Variants in SGCD observed in about 807,000 individuals in gnomAD.
SGCD encodes delta-sarcoglycan.
SGCD carries 18 observed loss-of-function variants against 36.6 expected under a neutral mutation model. The ratio of observed to expected loss-of-function variants is 0.49; its 90% CI spans 0.34 to 0.73. SGCD has a LOEUF of 0.73. Ranked by LOEUF, SGCD falls within the 30% of genes least tolerant of loss-of-function variation. The pLI is 0.01. For missense variants in SGCD, 387 were observed against 346.7 expected, an observed-to-expected ratio of 1.12 and a Z score of -0.92; for synonymous variants, 133 against 130.6, an observed-to-expected ratio of 1.02 and a Z score of -0.12.
chr5:155,876,489 A>G (rs1346092482), intron 1 of SGCD, among the ~76,000 whole-genome samples: 1 of 152,072 alleles, frequency 6.6e-6, no homozygotes, highest in Non-Finnish European at 1.5e-5. Context: ...AGTGCCTCAA[A>G]TCAACACTTT....
At chr5:156,394,958 G>T (rs1296052990) in intron 3 of SGCD, among the ~76,000 whole-genome samples, 1 of 152,174 alleles carries the variant, frequency 6.6e-6, no homozygotes, top group Non-Finnish European at 1.5e-5. Flanking sequence ...TACTTCCTTT[G>T]CTATTGGCTT....
intron 3 of SGCD, among the ~76,000 whole-genome samples, chr5:156,215,933 A>C (rs570041414): frequency 6.6e-6 from 1 of 152,238 alleles, no homozygotes; most frequent in African/African-American, 2.4e-5. Flanking sequence ...GAAATCAAAC[A>C]AAGTTCTATC....
chr5:156,272,015 T>A (rs1766193949), intron 3 of SGCD, among the ~76,000 whole-genome samples: 1 of 152,194 alleles, frequency 6.6e-6, no homozygotes, highest in African/African-American at 2.4e-5. Flanking sequence ...TTTTTATAAT[T>A]TTTATTTTTA....
chr5:156,637,713 T>A (rs867460188), intron 6 of SGCD, among the ~76,000 whole-genome samples: 20 of 152,218 alleles, frequency 1.3e-4, no homozygotes, highest in African/African-American at 3.9e-4. Flanking sequence ...AAATGGTTGT[T>A]GACAAGGAAA....
At chr5:155,933,231 C>A (rs925484450) in intron 1 of SGCD, among the ~76,000 whole-genome samples, 7 of 152,162 alleles carry the variant, frequency 4.6e-5, no homozygotes, top group African/African-American at 7.2e-5. Context: ...GGATGATAAT[C>A]CTTACATTCT....
chr5:156,331,960 G>C (rs774245448), intron 2 of SGCD, among the ~76,000 whole-genome samples: 1 of 152,028 alleles, frequency 6.6e-6, no homozygotes, highest in African/African-American at 2.4e-5. Flanking sequence ...TAGCCCTTTC[G>C]CTCTTTCTTT....
At chr5:156,151,041 A>C (rs1438033218) in intron 3 of SGCD, among the ~76,000 whole-genome samples, 2 of 151,786 alleles carry the variant, frequency 1.3e-5, no homozygotes, top group African/African-American at 2.4e-5. Flanking sequence ...AATTTAGATT[A>C]AGAATAGAGA....
intron 3 of SGCD, among the ~76,000 whole-genome samples, chr5:156,305,670 C>T (rs1434416710): frequency 6.6e-6 from 1 of 152,136 alleles, no homozygotes; most frequent in Non-Finnish European, 1.5e-5. Context: ...ATGGTAGATC[C>T]ACCAACAGCT....
chr5:155,751,579 G>A, the SGCD span, among the ~76,000 whole-genome samples: 1 of 151,928 alleles, frequency 6.6e-6, no homozygotes, highest in Non-Finnish European at 1.5e-5. Flanking sequence ...GGTAGAGATG[G>A]GGCTTTGCCA....
chr5:156,595,359 C>T (rs2113390931), intron 6 of SGCD, among the ~76,000 whole-genome samples: 1 of 152,258 alleles, frequency 6.6e-6, no homozygotes, highest in African/African-American at 2.4e-5. Context: ...CCTGACCAGG[C>T]TCGTATCTGA....
chr5:156,441,266 G>T (rs551874286), intron 3 of SGCD, among the ~76,000 whole-genome samples: 1 of 152,108 alleles, frequency 6.6e-6, no homozygotes, highest in East Asian at 1.9e-4. Context: ...TAGACACAGC[G>T]TTGGAGGCAA....
intron 3 of SGCD, among the ~76,000 whole-genome samples, chr5:156,246,435 G>T (rs929498995): frequency 7.9e-5 from 12 of 152,064 alleles, no homozygotes; most frequent in African/African-American, 2.7e-4. Flanking sequence ...AAAGAATAAG[G>T]TTATAGATTT....
Position 155,996,416 on chromosome 5 carries a change from C to A in SGCD, c.-281-121462C>A, listed in dbSNP as rs10057477. Among the ~76,000 whole-genome samples the A allele has an allele frequency of 1.8e-3, 278 of 152,168 alleles. 1 individual carries two copies. The highest frequency in any genetic ancestry group is 6.6e-3 in the African/African-American group (272 of 41,504). Reference sequence around the variant, plus strand: ...AAAAATTTCAAAGCCAGCAGTGTGTCCTCTTTCCTGTATTTGCTTCTTAAT... The same window carrying A: ...AAAAATTTCAAAGCCAGCAGTGTGTACTCTTTCCTGTATTTGCTTCTTAAT... On this transcript the variant is annotated intron_variant, in intron 1 of 9. Transcript: ENST00000517913.
chr5:156,643,626 A>G (rs1026252097), intron 6 of SGCD, among the ~76,000 whole-genome samples: 1 of 152,136 alleles, frequency 6.6e-6, no homozygotes, highest in Non-Finnish European at 1.5e-5. Context: ...AGGCCATGCA[A>G]TGCATCTGCA....
intron 4 of SGCD, among the ~76,000 whole-genome samples, chr5:156,536,686 C>G (rs1169727891): frequency 6.6e-6 from 1 of 152,058 alleles, no homozygotes; most frequent in African/African-American, 2.4e-5. Flanking sequence ...TGGACAGTTC[C>G]TAGGGTATTT....
intron 3 of SGCD, among the ~76,000 whole-genome samples, chr5:156,269,527 A>G (rs113997386): frequency 0.12 from 13,756 of 113,132 alleles, 2,355 homozygotes; most frequent in Admixed American, 0.18. Context: ...GATCTCATGA[A>G]ACTTATTCAC....
the SGCD span, among the ~76,000 whole-genome samples, chr5:155,730,638 C>A: frequency 6.6e-6 from 1 of 152,136 alleles, no homozygotes; most frequent in Non-Finnish European, 1.5e-5. Flanking sequence ...CTTGGCGCTG[C>A]CACATCGCTG....
At chr5:156,621,818 C>T (rs1221629913) in intron 6 of SGCD, among the ~76,000 whole-genome samples, 1 of 152,176 alleles carries the variant, frequency 6.6e-6, no homozygotes, top group East Asian at 1.9e-4. Flanking sequence ...ATTTTAATAG[C>T]TGACATTTCT....
intron 1 of SGCD, among the ~76,000 whole-genome samples, chr5:156,013,158 G>A (rs1310352798): frequency 1.3e-5 from 2 of 151,576 alleles, no homozygotes; most frequent in South Asian, 2.1e-4. Context: ...CCTAGTGGCT[G>A]GGACTATGGG....
Sources: allele counts gnomAD v4.1 joint callset (sites outside exome capture counted in the v4.1 genomes callset), GRCh38; gene constraint gnomAD v4.1.1; transcripts MANE v1.5; gene names NCBI Gene and HGNC (gene_info 2026-07-23, HGNC 2026-07-21).